Variants in CYRIB observed in about 807,000 individuals in gnomAD.
The protein encoded by CYRIB is CYFIP related Rac1 interactor B.
Under a neutral mutation model 44.2 loss-of-function variants are expected in CYRIB, and 8 were observed. That is an observed-to-expected ratio of 0.18 (90% CI 0.11 to 0.33). The LOEUF is 0.33. Ranked by LOEUF, CYRIB falls within the 10% of genes least tolerant of loss-of-function variation. The pLI is 1.00. For synonymous variants in CYRIB, 131 were observed against 127.2 expected (o/e 1.03, Z -0.20); for missense variants, 185 against 382.8 (o/e 0.48, Z 4.31).
At chr8:129,983,228 G>A (rs2096310581) in intron 1 of CYRIB, among the ~76,000 whole-genome samples, 1 of 152,044 alleles carries the variant, frequency 6.6e-6, no homozygotes, top group African/African-American at 2.4e-5. Flanking sequence ...GGCAGATCAC[G>A]AGGTCAGGAG....
chr8:129,960,096 A>T (rs769952394), intron 2 of CYRIB, among the ~76,000 whole-genome samples: 13 of 152,210 alleles, frequency 8.5e-5, no homozygotes, highest in Non-Finnish European at 1.9e-4. Flanking sequence ...TGACACTTGC[A>T]ATTCAAAGCA....
At chr8:129,987,340 C>G (rs982397615) in intron 1 of CYRIB, among the ~76,000 whole-genome samples, 33 of 152,108 alleles carry the variant, frequency 2.2e-4, no homozygotes, top group Non-Finnish European at 4.6e-4. Flanking sequence ...ACACAATGTT[C>G]TGCGGGTTAA....
intron 2 of CYRIB, chr8:129,901,588 G>GA (rs747540370): frequency 1.2e-4 from 19 of 152,188 alleles, no homozygotes; most frequent in Non-Finnish European, 2.8e-4. Flanking sequence ...AGGTCTAGCT[G>GA]AATTTTCACT....
At chr8:129,958,698 C>T (rs183209431) in intron 2 of CYRIB, among the ~76,000 whole-genome samples, 102 of 151,394 alleles carry the variant, frequency 6.7e-4, no homozygotes, top group African/African-American at 2.3e-3. Flanking sequence ...TTCTCTCGAG[C>T]TCATTCAATT....
At chr8:129,980,191 G>A (rs987276875) in intron 1 of CYRIB, among the ~76,000 whole-genome samples, 3 of 134,550 alleles carry the variant, frequency 2.2e-5, no homozygotes, top group African/African-American at 2.9e-5. Flanking sequence ...TTGCACCACT[G>A]CACTCCAGCC....
chr8:129,909,345 A>G (rs1216704466), intron 1 of CYRIB, among the ~76,000 whole-genome samples: 1 of 152,190 alleles, frequency 6.6e-6, no homozygotes, highest in Non-Finnish European at 1.5e-5. Flanking sequence ...AAGAAAGTGG[A>G]AAGAAACAAG....
At chr8:129,852,589 A>G (rs974771300) in intron 7 of CYRIB, among the ~76,000 whole-genome samples, 5 of 152,248 alleles carry the variant, frequency 3.3e-5, no homozygotes, top group Non-Finnish European at 5.9e-5. Context: ...ATTATGAACA[A>G]TAAGTATCCA....
In CYRIB at chr8:129,857,144, A is replaced by C. The variant is rs2046607902; in HGVS notation, c.302-1397T>G. ...AAGTCTGAAAATGTACTGACTGGCT[A>C]CTCTGTGCCAAGCACTGGGAAAATG... On this transcript the variant is annotated intron_variant, in intron 5 of 11. Coordinates refer to ENST00000519824, the Ensembl canonical transcript of CYRIB. Among the ~76,000 whole-genome samples the C allele has an allele frequency of 2.0e-5, 3 of 152,170 alleles. No individual in the cohort carries two copies. The South Asian group carries it at 6.2e-4, about 32-fold the overall frequency.
At chr8:129,915,579 A>G (rs1199312889) in intron 1 of CYRIB, among the ~76,000 whole-genome samples, 1 of 152,212 alleles carries the variant, frequency 6.6e-6, no homozygotes, top group African/African-American at 2.4e-5. Flanking sequence ...ATAGATTTGA[A>G]GCAGGCAGGA....
intron 7 of CYRIB, among the ~76,000 whole-genome samples, chr8:129,853,866 T>G (rs753891690): frequency 4.6e-5 from 7 of 152,176 alleles, no homozygotes; most frequent in Non-Finnish European, 7.4e-5. Flanking sequence ...AAAACGGACT[T>G]GGGTTCAAGA....
intron 3 of CYRIB, among the ~76,000 whole-genome samples, chr8:129,873,045 A>T (rs143027861): frequency 1.3e-3 from 192 of 152,118 alleles, no homozygotes; most frequent in African/African-American, 4.2e-3. Flanking sequence ...CATTTTTTTT[A>T]AAATTCAATA....
At chr8:129,978,658 GTTATTA>G (rs1564569877) in intron 1 of CYRIB, among the ~76,000 whole-genome samples, 2 of 152,252 alleles carry the variant, frequency 1.3e-5, no homozygotes, top group East Asian at 1.9e-4. Context: ...ATCAATGTGT[GTTATTA>G]TTATTATTTC....
chr8:129,963,864 G>A (rs1591299094), intron 2 of CYRIB, among the ~76,000 whole-genome samples: 1 of 152,220 alleles, frequency 6.6e-6, no homozygotes, highest in Non-Finnish European at 1.5e-5. Flanking sequence ...CAGTTTTTGT[G>A]ATTTTGATTC....
chr8:129,849,558 C>T, intron 9 of CYRIB, 189 bp from the exon 12 acceptor site: 1 of 499,210 alleles, frequency 2.0e-6, no homozygotes, highest in Non-Finnish European at 3.4e-6. Context: ...TCCAAATCAA[C>T]CCCCTGAAAG....
At chr8:129,902,616 A>G (rs2072858567) in intron 2 of CYRIB, among the ~76,000 whole-genome samples, 1 of 152,208 alleles carries the variant, frequency 6.6e-6, no homozygotes. Context: ...TCCCAGGCTC[A>G]GGTAAGCCAC....
At chr8:129,856,920 A>G (rs527761452) in intron 5 of CYRIB, among the ~76,000 whole-genome samples, 2 of 152,342 alleles carry the variant, frequency 1.3e-5, no homozygotes, top group African/African-American at 4.8e-5. Flanking sequence ...TAACTTTATA[A>G]AACATTAACC....
At chr8:129,883,925 G>A (rs573148138) in intron 2 of CYRIB, among the ~76,000 whole-genome samples, 7 of 152,334 alleles carry the variant, frequency 4.6e-5, no homozygotes, top group African/African-American at 1.7e-4. Flanking sequence ...AGCTGTCAGA[G>A]CAACCTAACT....
intron 2 of CYRIB, among the ~76,000 whole-genome samples, chr8:129,890,260 G>T (rs1269927000): frequency 1.3e-5 from 2 of 152,122 alleles, no homozygotes; most frequent in Non-Finnish European, 2.9e-5. Context: ...ATCTTTCATG[G>T]AAGTGTCAAC....
intron 10 of CYRIB, among the ~76,000 whole-genome samples, chr8:129,848,618 AAT>A (rs1247378370): frequency 1.3e-5 from 2 of 152,130 alleles, no homozygotes; most frequent in Non-Finnish European, 2.9e-5. Flanking sequence ...ACCCAGACTG[AAT>A]GCAGTGGTGT....
Sources: allele counts gnomAD v4.1 joint callset (sites outside exome capture counted in the v4.1 genomes callset), GRCh38; gene constraint gnomAD v4.1.1; transcripts MANE v1.5; gene names NCBI Gene and HGNC (gene_info 2026-07-23, HGNC 2026-07-21).